The following PRDM15 variants were observed in gnomAD, a reference collection of about 807,000 sequenced individuals.
The protein encoded by PRDM15 is PR domain zinc finger protein 15.
PRDM15 carries 64 observed loss-of-function variants against 128.6 expected under a neutral mutation model. The observed-to-expected ratio is 0.50, with a 90% CI of 0.41 to 0.61. The LOEUF (loss-of-function observed/expected upper bound fraction) is 0.61. Among genes scored for constraint, PRDM15 ranks in the 20% least tolerant of loss-of-function variants. The probability of loss-of-function intolerance (pLI) is 0.00; values close to 1 mark genes in which losing one functional copy is unlikely to be tolerated. For synonymous variants in PRDM15, 615 were observed against 621.8 expected, an observed-to-expected ratio of 0.99 and a Z score of 0.16; for missense variants, 1,242 against 1,569.1, an observed-to-expected ratio of 0.79 and a Z score of 3.52.
chr21:41,869,484 T>A (rs13048222), intron 1 of PRDM15, among the ~76,000 whole-genome samples: 2 of 151,530 alleles, frequency 1.3e-5, no homozygotes, highest in African/African-American at 4.9e-5. Flanking sequence ...TTCACTGTTA[T>A]TGCCCAGGCT....
chr21:41,800,415 T>G lies in PRDM15; in HGVS notation c.*825A>C, dbSNP rs1404089925. 1 of 152,380 alleles carries G rather than the reference T, an allele frequency of 6.6e-6. No homozygotes were observed. The highest frequency in any genetic ancestry group is 6.6e-5 in the Admixed American group (1 of 15,264). The allele number at this position is 152,380 out of a possible 1,614,324, so 9.4% of individuals were successfully genotyped here. On this transcript the variant is annotated 3_prime_UTR_variant, in exon 24 of 24. Coordinates refer to ENST00000398548, the MANE Select transcript of PRDM15 (RefSeq NM_001040424.3). ...TGGACAGGGACAGATGGTCCTACAG[T>G]GCACATGACTTTATCATGTTAACAT...
At chr21:41,839,891 A>T (rs774173904) in intron 6 of PRDM15, 38 bp from the exon 7 acceptor site, 21 of 1,574,138 alleles carry the variant, frequency 1.3e-5, no homozygotes, top group Non-Finnish European at 1.8e-5. Context: ...ACAATTAGGA[A>T]GCCTGCCACC....
At chr21:41,806,397 C>CTACCACCAT (rs2061629783) in intron 21 of PRDM15, among the ~76,000 whole-genome samples, 2 of 36,682 alleles carry the variant, frequency 5.5e-5, no homozygotes, top group Non-Finnish European at 1.2e-4. Context: ...ACCACCATCA[C>CTACCACCAT]CACCACCACC....
chr21:41,859,568 C>T lies in PRDM15; in HGVS notation c.131+24G>A, dbSNP rs371489161. 110 of 1,600,204 alleles carry T rather than the reference C, an allele frequency of 6.9e-5. 1 individual carries two copies. In the African/African-American group the frequency reaches 7.5e-4, roughly 11 times the overall value. On this transcript the variant is annotated intron_variant, in intron 3 of 23. Coordinates refer to ENST00000398548, the MANE Select transcript of PRDM15 (RefSeq NM_001040424.3). This position sits in a 1 kb window ranked among gnomAD's most constrained non-coding sequence, Gnocchi z 5.3. ...TGCCGCAGCTGGCATATGGAAGGCCCGGGAGCTCACGGCGGTCACTCACCT... is the reference window on the plus strand; with the variant it reads ...TGCCGCAGCTGGCATATGGAAGGCCTGGGAGCTCACGGCGGTCACTCACCT...
chr21:41,832,632 T>TC lies in PRDM15; in HGVS notation c.1366+2804dup, dbSNP rs969325258. The stretch of plus-strand genomic sequence containing the variant: ...AGGCACTAAAGAGCACAGGTGAGCC[T>TC]CCCTCCCGGGCAGGTGCTAAAGAGC... On this transcript the variant is annotated intron_variant, in intron 11 of 23. Transcript: ENST00000398548. The surrounding 1 kb of genome is among the most constrained non-coding windows in gnomAD (Gnocchi z 4.2). 9.9e-5 allele frequency among the ~76,000 whole-genome samples: 15 copies of TC among 151,558 alleles called. No homozygotes were observed. The highest frequency in any genetic ancestry group is 3.6e-4 in the African/African-American group (15 of 41,210).
chr21:41,802,167 T>C (rs1196237956), intron 23 of PRDM15, among the ~76,000 whole-genome samples: 4 of 152,300 alleles, frequency 2.6e-5, no homozygotes, highest in African/African-American at 9.6e-5. Flanking sequence ...TGAGGAACTT[T>C]TGCAGTCAAG....
chr21:41,801,838 A>C, intron 23 of PRDM15, 116 bp from the exon 24 acceptor site: 1 of 1,182,816 alleles, frequency 8.5e-7, no homozygotes, highest in African/African-American at 1.5e-5. Context: ...TTCTTTGGTG[A>C]AAGAGGAAAC....
chr21:41,843,958 A>T (rs926046097), intron 6 of PRDM15, among the ~76,000 whole-genome samples: 1 of 151,758 alleles, frequency 6.6e-6, no homozygotes, highest in African/African-American at 2.4e-5. Flanking sequence ...TGTAAAAAAA[A>T]AAAAAAAAAA....
At position 41,861,768 on chromosome 21, in the gene PRDM15, G is replaced by A. The variant is rs780810928; in HGVS notation, c.-9-1396C>T. On this transcript the variant is annotated intron_variant, in intron 1 of 23. Transcript: ENST00000398548. ...CTTGTGTGTCTGAGAGCAGTGCCGG[G>A]TTGAAAACTTCAAGTTAGGAGAGTG... 5 of 1,610,710 alleles carry A rather than the reference G, an allele frequency of 3.1e-6. No individual in the cohort carries two copies. In the South Asian group the frequency reaches 4.4e-5, roughly 14 times the overall value.
chr21:41,804,752 C>T lies in PRDM15; in HGVS notation c.2653-138G>A, dbSNP rs2061511279. ...AGGCATCCCCCGCACTTCCCAGTCT[C>T]CTCTGTTCAGCTCTGACTTTGAAAC... On this transcript the variant is annotated intron_variant, in intron 21 of 23. Transcript: ENST00000398548. The T allele has an allele frequency of 2.1e-5, 13 of 611,200 alleles. No homozygotes were observed. In the East Asian group the frequency reaches 4.0e-4, roughly 19 times the overall value. The allele number at this position is 611,200 out of a possible 1,614,324, so 37.9% of individuals were successfully genotyped here.
intron 4 of PRDM15, 105 bp downstream of exon 4, chr21:41,857,071 G>A: frequency 9.8e-7 from 1 of 1,022,060 alleles, no homozygotes; most frequent in Non-Finnish European, 1.5e-6. Context: ...TGTTTTTGAG[G>A]CATTTATAAA....
At chr21:41,834,806 C>T (rs1462920471) in intron 11 of PRDM15, among the ~76,000 whole-genome samples, 2 of 152,246 alleles carry the variant, frequency 1.3e-5, no homozygotes, top group Non-Finnish European at 2.9e-5. Flanking sequence ...GCAGCAAATT[C>T]GGCCAGAGAG....
In PRDM15 at chr21:41,854,895, G is replaced by A. The variant is rs1460507937; in HGVS notation, c.286-77C>T. On this transcript the variant is annotated intron_variant, in intron 4 of 23. Transcript: ENST00000398548. The surrounding 1 kb of genome is among the most constrained non-coding windows in gnomAD (Gnocchi z 4.6). ...CTGTGTATCAGCGTGTGGGGGGCAG[G>A]TGCTGAGGAACCCATCTAGACAGTG... The A allele has an allele frequency of 3.3e-6, 5 of 1,505,610 alleles. No homozygotes were observed. The highest frequency in any genetic ancestry group is 2.5e-5 in the South Asian group (2 of 78,568). The allele number at this position is 1,505,610 out of a possible 1,614,324, so 93.3% of individuals were successfully genotyped here. A position where few individuals can be genotyped will look rare whatever the true frequency, so the allele number is the denominator to read the frequency against.
Position 41,828,854 on chromosome 21 carries a change from T to A in PRDM15, c.1367-521A>T, listed in dbSNP as rs1253032048. ...GTGGGCGGGCATCAATGTGCCCATA[T>A]TCCCCCCTTCACCCAAATCCTCCTC... is the stretch of plus-strand genomic sequence containing the variant. On this transcript the variant is annotated intron_variant, in intron 11 of 23. Transcript: ENST00000398548. The surrounding 1 kb of genome is among the most constrained non-coding windows in gnomAD (Gnocchi z 5.7). 2.0e-5 allele frequency among the ~76,000 whole-genome samples: 3 copies of A among 150,618 alleles called. No homozygotes were observed. Among genetic ancestry groups the A allele is most frequent in the Non-Finnish European group, 3.0e-5 (2 of 67,638 alleles).
chr21:41,818,066 C>T (rs1470118925), intron 18 of PRDM15, among the ~76,000 whole-genome samples: 3 of 152,232 alleles, frequency 2.0e-5, no homozygotes, highest in African/African-American at 7.2e-5. Context: ...TGAATAAGCC[C>T]CCACCCCTGC....
rs145049651 is a variant in PRDM15, at chr21:41,859,457, G to A, written c.131+135C>T. The A allele has an allele frequency of 4.4e-4, 333 of 753,266 alleles. 4 individuals are homozygous for A. The East Asian group carries it at 8.7e-3, about 20-fold the overall frequency. The allele number at this position is 753,266 out of a possible 1,614,324, so 46.7% of individuals were successfully genotyped here. A position where few individuals can be genotyped will look rare whatever the true frequency, so the allele number is the denominator to read the frequency against. ...ACGCTGCTCAGTTCACAGTGGGAGC[G>A]GAATCGCTGGCTCTCACTCAGAGTG... is the stretch of plus-strand genomic sequence containing the variant. On this transcript the variant is annotated intron_variant, in intron 3 of 23. Transcript: ENST00000398548. This position sits in a 1 kb window ranked among gnomAD's most constrained non-coding sequence, Gnocchi z 5.3.
intron 1 of PRDM15, among the ~76,000 whole-genome samples, chr21:41,868,682 C>CTT (rs1435471537): frequency 4.8e-5 from 5 of 104,056 alleles, no homozygotes; most frequent in South Asian, 6.4e-4. Context: ...GCCCATTTTC[C>CTT]TTTTTCTTTT....
intron 4 of PRDM15, among the ~76,000 whole-genome samples, chr21:41,856,761 T>C (rs970278589): frequency 6.6e-6 from 1 of 152,234 alleles, no homozygotes; most frequent in Non-Finnish European, 1.5e-5. Context: ...GTCTCATCAC[T>C]GCCTAAACAA....
Position 41,821,053 on chromosome 21 carries a change from C to CG in PRDM15, c.2060+13dup, listed in dbSNP as rs1568921135. On this transcript the variant is annotated intron_variant, in intron 16 of 23. Transcript: ENST00000398548. The surrounding 1 kb of genome is among the most constrained non-coding windows in gnomAD (Gnocchi z 5.4). ...TCTCCTGACACAACCCGGGAGCCCCCGACCAGGCCTCACTTCTGCACGTTG... is the reference window on the plus strand; with the variant it reads ...TCTCCTGACACAACCCGGGAGCCCCCGGACCAGGCCTCACTTCTGCACGTTG... 1 of 1,614,020 alleles carries CG rather than the reference C, an allele frequency of 6.2e-7. No homozygotes were observed. The highest frequency in any genetic ancestry group is 1.3e-5 in the African/African-American group (1 of 74,912).
Sources: gnomAD v4.1 joint callset for allele counts (sites outside exome capture counted in the v4.1 genomes callset) on GRCh38, gnomAD v4.1.1 for gene constraint, Gnocchi (gnomAD v3.1) non-coding constraint, MANE v1.5 for transcripts, NCBI Gene and HGNC (gene_info 2026-07-23, HGNC 2026-07-21) for gene names.